Variants in ADGRL4 observed in about 807,000 individuals in gnomAD.
ADGRL4 encodes the protein EGF, latrophilin and seven transmembrane domain containing 1.
A neutral mutation model predicts 74.8 loss-of-function variants in ADGRL4; 90 were observed. The observed-to-expected ratio is 1.20, with a 90% CI of 1.02 to 1.43. ADGRL4 has a LOEUF of 1.43. Among genes scored for constraint, ADGRL4 ranks in the 40% most tolerant of loss-of-function variants. ADGRL4 has a pLI of 0.00. For synonymous variants in ADGRL4, 311 were observed against 279.2 expected (o/e 1.11, Z -1.14); for missense variants, 881 against 814.3 (o/e 1.08, Z -1.00).
chr1:78,971,686 T>C (rs1262903688), intron 2 of ADGRL4, among the ~76,000 whole-genome samples: 1 of 152,226 alleles, frequency 6.6e-6, no homozygotes, highest in Non-Finnish European at 1.5e-5. Context: ...CCTACAACAC[T>C]ATGTGACTTG....
intron 2 of ADGRL4, among the ~76,000 whole-genome samples, chr1:78,964,394 A>G (rs1650015068): frequency 6.6e-6 from 1 of 152,178 alleles, no homozygotes; most frequent in Admixed American, 6.6e-5. Flanking sequence ...TTTGTGATCA[A>G]AGTACAAAGC....
At chr1:78,932,110 A>G (rs1202441720) in intron 7 of ADGRL4, among the ~76,000 whole-genome samples, 1 of 151,530 alleles carries the variant, frequency 6.6e-6, no homozygotes, top group Non-Finnish European at 1.5e-5. Flanking sequence ...CTTACCCCCA[A>G]ATCAACAGAA....
chr1:79,003,407 G>A (rs1170022840), intron 2 of ADGRL4, among the ~76,000 whole-genome samples: 4 of 151,144 alleles, frequency 2.6e-5, no homozygotes, highest in Non-Finnish European at 5.9e-5. Context: ...TAAACAGAAA[G>A]GGAATTTAAG....
At chr1:78,895,432 C>A (rs1171526413) in intron 12 of ADGRL4, among the ~76,000 whole-genome samples, 1 of 151,816 alleles carries the variant, frequency 6.6e-6, no homozygotes, top group Non-Finnish European at 1.5e-5. Flanking sequence ...ATCATACAAT[C>A]CTTATAAATC....
At chr1:78,954,062 C>T (rs747338305) in intron 2 of ADGRL4, among the ~76,000 whole-genome samples, 22 of 152,126 alleles carry the variant, frequency 1.4e-4, no homozygotes, top group Admixed American at 3.3e-4. Context: ...AGGAGAATCG[C>T]TTGAACCTGG....
intron 2 of ADGRL4, among the ~76,000 whole-genome samples, chr1:78,978,239 T>C (rs1254271220): frequency 6.6e-6 from 1 of 151,970 alleles, no homozygotes; most frequent in Non-Finnish European, 1.5e-5. Flanking sequence ...GTGCCTATTG[T>C]CATGTCCCAG....
chr1:79,003,426 G>A lies in ADGRL4; in HGVS notation c.172+1644C>T, dbSNP rs544991136. Among the ~76,000 whole-genome samples, 252 of 151,580 alleles carry A rather than the reference G, an allele frequency of 1.7e-3. 1 individual carries two copies. Among genetic ancestry groups the A allele is most frequent in the African/African-American group, 5.7e-3 (237 of 41,430 alleles). The stretch of plus-strand genomic sequence containing the variant: ...CAGAAAGGGAATTTAAGTTTAACAT[G>A]AACCTAAGAAAGAAACAAATTCCCA... On this transcript the variant is annotated intron_variant, in intron 2 of 14. Coordinates refer to ENST00000370742, the MANE Select transcript of ADGRL4 (RefSeq NM_022159.4).
chr1:78,965,722 T>C (rs6424621), intron 2 of ADGRL4, among the ~76,000 whole-genome samples: 44,126 of 152,100 alleles, frequency 0.29, 6,474 homozygotes, highest in Middle Eastern at 0.33. Flanking sequence ...AAATTAACTC[T>C]GTCATTTAAA....
intron 3 of ADGRL4, among the ~76,000 whole-genome samples, chr1:78,944,104 T>C (rs1371674030): frequency 6.6e-6 from 1 of 152,168 alleles, no homozygotes; most frequent in Non-Finnish European, 1.5e-5. Context: ...TGATTCAGTG[T>C]TTTCTAATGC....
chr1:78,998,135 C>T (rs1650756846), intron 2 of ADGRL4, among the ~76,000 whole-genome samples: 1 of 152,144 alleles, frequency 6.6e-6, no homozygotes, highest in Non-Finnish European at 1.5e-5. Flanking sequence ...GAAAGCCAGA[C>T]TCTTTGCTGC....
At chr1:78,891,315 A>G in intron 14 of ADGRL4, 99 bp from the exon 15 acceptor site, 3 of 1,339,116 alleles carry the variant, frequency 2.2e-6, no homozygotes, top group Non-Finnish European at 3.1e-6. Context: ...GGTTTTCTAA[A>G]GTATTATAGC....
intron 12 of ADGRL4, among the ~76,000 whole-genome samples, chr1:78,909,027 GA>G (rs1557493594): frequency 2.0e-5 from 3 of 151,718 alleles, no homozygotes; most frequent in East Asian, 3.9e-4. Context: ...AAAATAATAT[GA>G]AAAAAAGTGG....
At position 78,938,193 on chromosome 1, in the gene ADGRL4, T is replaced by A; in HGVS notation, c.483A>T (p.Thr161=). ...VTDLSPTDII[T]YIEILAESSS... Reference sequence around the variant, plus strand: ...ATGATTCAGCTAATATTTCTATATATGTAATTATATCTGTTGGTGAAAGAT... The same window carrying A: ...ATGATTCAGCTAATATTTCTATATAAGTAATTATATCTGTTGGTGAAAGAT... Residue 161 remains threonine (T), a synonymous_variant, in exon 5 of 15, where the codon ACA becomes ACT. Transcript: ENST00000370742. 1 of 1,611,664 alleles carries A rather than the reference T, an allele frequency of 6.2e-7. No homozygotes were observed.
chr1:78,901,751 C>A (rs539662142), intron 12 of ADGRL4, among the ~76,000 whole-genome samples: 7 of 152,242 alleles, frequency 4.6e-5, no homozygotes, highest in African/African-American at 1.7e-4. Context: ...AACTTTCACC[C>A]CCACATATAG....
At chr1:78,903,302 T>C (rs1212322343) in intron 12 of ADGRL4, among the ~76,000 whole-genome samples, 1 of 152,164 alleles carries the variant, frequency 6.6e-6, no homozygotes, top group African/African-American at 2.4e-5. Flanking sequence ...AGACTTAAGA[T>C]GTCTCCAAGT....
chr1:78,976,776 T>C (rs564818541), intron 2 of ADGRL4, among the ~76,000 whole-genome samples: 2 of 150,630 alleles, frequency 1.3e-5, no homozygotes, highest in South Asian at 2.1e-4. Flanking sequence ...AAATTGAACT[T>C]ACAATTTAAA....
rs1318063361 is a variant in ADGRL4, at chr1:78,945,632, A to T, written c.325+642T>A. On this transcript the variant is annotated intron_variant, in intron 3 of 14. Coordinates refer to ENST00000370742, the MANE Select transcript of ADGRL4 (RefSeq NM_022159.4). ...CAAATTACAATAGAAGGATATTTTT[A>T]AAAATTGTCTAGGTACTCCCTTCAG... 2.6e-5 allele frequency among the ~76,000 whole-genome samples: 4 copies of T among 152,242 alleles called. No homozygotes were observed. In the East Asian group the frequency reaches 7.7e-4, roughly 29 times the overall value.
At chr1:78,907,812 G>GA (rs1216883297) in intron 12 of ADGRL4, among the ~76,000 whole-genome samples, 1 of 151,834 alleles carries the variant, frequency 6.6e-6, no homozygotes, top group Non-Finnish European at 1.5e-5. Flanking sequence ...GAGAGCTCTT[G>GA]AAAAAAAGAA....
In ADGRL4 at chr1:78,968,671, G is replaced by A. The variant is rs568079125; in HGVS notation, c.173-22245C>T. On this transcript the variant is annotated intron_variant, in intron 2 of 14. Transcript: ENST00000370742. ...GCACCTTCTTTGGTGTCTGTGAGGA[G>A]CCCGGGTTGCTAGCTGGACTGATAG... Among the ~76,000 whole-genome samples, 198 of 152,250 alleles carry A rather than the reference G, an allele frequency of 1.3e-3. 2 individuals carry two copies. Among genetic ancestry groups the A allele is most frequent in the African/African-American group, 4.5e-3 (186 of 41,538 alleles).
Sources: allele counts gnomAD v4.1 joint callset (sites outside exome capture counted in the v4.1 genomes callset), GRCh38; gene constraint gnomAD v4.1.1; transcripts MANE v1.5; gene names NCBI Gene and HGNC (gene_info 2026-07-23, HGNC 2026-07-21).